Variants in RPS6KA5 observed in about 807,000 individuals in gnomAD.
RPS6KA5 encodes ribosomal protein S6 kinase A5.
Under a neutral mutation model 85.5 loss-of-function variants are expected in RPS6KA5, and 27 were observed. The ratio of observed to expected loss-of-function variants is 0.32; its 90% CI spans 0.23 to 0.44. RPS6KA5 has a LOEUF of 0.44. RPS6KA5 is among the 20% of genes least tolerant of loss of function. The pLI, the probability that RPS6KA5 is intolerant of heterozygous loss-of-function variation, is 1.00. For synonymous variants in RPS6KA5, 334 were observed against 348.2 expected (o/e 0.96, Z 0.46); for missense variants, 811 against 980.9 (o/e 0.83, Z 2.31).
At chr14:90,962,499 C>T (rs560701981) in intron 3 of RPS6KA5, among the ~76,000 whole-genome samples, 1 of 152,094 alleles carries the variant, frequency 6.6e-6, no homozygotes, top group African/African-American at 2.4e-5. Context: ...GTTAGCCTGG[C>T]TGGTCTCGAA....
intron 3 of RPS6KA5, among the ~76,000 whole-genome samples, chr14:90,961,641 G>A (rs1370997116): frequency 6.6e-6 from 1 of 151,990 alleles, no homozygotes; most frequent in Non-Finnish European, 1.5e-5. Context: ...GTAATCAAAA[G>A]TAGACATTCT....
At chr14:91,010,330 A>G (rs1241194714) in intron 1 of RPS6KA5, among the ~76,000 whole-genome samples, 1 of 152,214 alleles carries the variant, frequency 6.6e-6, no homozygotes, top group Non-Finnish European at 1.5e-5. Flanking sequence ...TATAAAGTCA[A>G]ACAGCACTGG....
At chr14:91,011,767 T>C (rs2041266934) in intron 1 of RPS6KA5, among the ~76,000 whole-genome samples, 1 of 152,200 alleles carries the variant, frequency 6.6e-6, no homozygotes. Flanking sequence ...ACGAATAGCA[T>C]AATGATCCAG....
Position 90,849,531 on chromosome 14 carries a change from A to G in RPS6KA5, c.*22543T>C, listed in dbSNP as rs973639860. The G allele has an allele frequency of 3.3e-5, 5 of 152,226 alleles. No individual in the cohort carries two copies. The highest frequency in any genetic ancestry group is 1.2e-4 in the African/African-American group (5 of 41,432). 9.4% of individuals were successfully genotyped at this position (152,226 alleles called of 1,614,324 possible). ...ACGGCTAATCGCTGCTAGTGTTTAGAGTCTGTGGCTGACTCATCTCAGTAC... is the reference window on the plus strand; with the variant it reads ...ACGGCTAATCGCTGCTAGTGTTTAGGGTCTGTGGCTGACTCATCTCAGTAC... On this transcript the variant is annotated 3_prime_UTR_variant, in exon 17 of 17. Coordinates refer to ENST00000614987, the MANE Select transcript of RPS6KA5 (RefSeq NM_004755.4).
At chr14:90,884,719 A>G (rs919449998) in intron 14 of RPS6KA5, among the ~76,000 whole-genome samples, 5 of 152,062 alleles carry the variant, frequency 3.3e-5, no homozygotes, top group African/African-American at 1.2e-4. Context: ...ATATCCTTCT[A>G]TTGTTGATGA....
chr14:90,898,919 G>C (rs1417874797), intron 12 of RPS6KA5, among the ~76,000 whole-genome samples: 2 of 152,126 alleles, frequency 1.3e-5, no homozygotes, highest in Non-Finnish European at 2.9e-5. Context: ...TAGGCTCCAG[G>C]CTCTCTCAGT....
intron 1 of RPS6KA5, among the ~76,000 whole-genome samples, chr14:91,027,076 T>C (rs1384570427): frequency 6.6e-6 from 1 of 152,224 alleles, no homozygotes; most frequent in Non-Finnish European, 1.5e-5. Context: ...AGTATGCTGT[T>C]TATTCTGCTG....
At chr14:90,902,762 CA>C (rs766355929) in intron 9 of RPS6KA5, 45 bp downstream of exon 9, 2 of 1,533,220 alleles carry the variant, frequency 1.3e-6, no homozygotes, top group South Asian at 1.2e-5. Flanking sequence ...TCTTTTCTTT[CA>C]AAGGACATAT....
At chr14:91,032,715 C>T (rs1445431261) in intron 1 of RPS6KA5, among the ~76,000 whole-genome samples, 1 of 150,978 alleles carries the variant, frequency 6.6e-6, no homozygotes, top group East Asian at 1.9e-4. Context: ...CAAACATGCA[C>T]GGGAAAGACA....
chr14:90,933,041 A>C (rs1051513662), intron 5 of RPS6KA5, among the ~76,000 whole-genome samples: 1 of 152,228 alleles, frequency 6.6e-6, no homozygotes, highest in Non-Finnish European at 1.5e-5. Context: ...TGTGGAAGAC[A>C]ATAAGGCTAC....
intron 5 of RPS6KA5, among the ~76,000 whole-genome samples, chr14:90,932,391 C>T (rs12896373): frequency 0.64 from 97,131 of 151,922 alleles, 32,484 homozygotes; most frequent in East Asian, 0.87. Context: ...CCTCCTACCT[C>T]GGCCTCCCAA....
chr14:91,037,776 C>T (rs777669548), intron 1 of RPS6KA5, among the ~76,000 whole-genome samples: 2 of 152,306 alleles, frequency 1.3e-5, no homozygotes, highest in South Asian at 2.1e-4. Context: ...TCCTGAGTTA[C>T]GAATAGCGTT....
At chr14:90,881,977 A>G (rs1420853518) in intron 14 of RPS6KA5, among the ~76,000 whole-genome samples, 1 of 152,240 alleles carries the variant, frequency 6.6e-6, no homozygotes, top group African/African-American at 2.4e-5. Context: ...ATTTGCATTT[A>G]AAGTAATTAC....
intron 3 of RPS6KA5, among the ~76,000 whole-genome samples, chr14:90,964,862 C>T (rs561240937): frequency 8.1e-5 from 12 of 147,676 alleles, no homozygotes; most frequent in African/African-American, 2.8e-4. Flanking sequence ...CTGCAGTGGG[C>T]CATGATAGTG....
rs998140911 is a variant in RPS6KA5, at chr14:90,856,421, T to C, written c.*15653A>G. ...TCTTGTTGCCCAGGCTGGAGTGCAATGGTGCGATCTAGGCTCACTGCAACC... is the reference window on the plus strand; with the variant it reads ...TCTTGTTGCCCAGGCTGGAGTGCAACGGTGCGATCTAGGCTCACTGCAACC... On this transcript the variant is annotated 3_prime_UTR_variant, in exon 17 of 17. Transcript: ENST00000614987. The C allele has an allele frequency of 3.4e-5, 5 of 145,862 alleles. No homozygotes were observed. The highest frequency in any genetic ancestry group is 2.2e-4 in the South Asian group (1 of 4,630). The allele number at this position is 145,862 out of a possible 1,614,324, so 9.0% of individuals were successfully genotyped here. A position where few individuals can be genotyped will look rare whatever the true frequency, so the allele number is the denominator to read the frequency against.
intron 3 of RPS6KA5, among the ~76,000 whole-genome samples, chr14:90,965,827 A>T (rs1323826555): frequency 6.6e-6 from 1 of 152,210 alleles, no homozygotes; most frequent in Non-Finnish European, 1.5e-5. Flanking sequence ...TAGGTTAGTA[A>T]GGGTGCAGAT....
chr14:91,057,239 G>C (rs2139977644), intron 1 of RPS6KA5, among the ~76,000 whole-genome samples: 1 of 152,202 alleles, frequency 6.6e-6, no homozygotes, highest in South Asian at 2.1e-4. Flanking sequence ...GTATGTTTAA[G>C]TGATCTGTTC....
intron 1 of RPS6KA5, among the ~76,000 whole-genome samples, chr14:91,003,860 TAG>T (rs1176782601): frequency 3.3e-5 from 5 of 152,194 alleles, no homozygotes; most frequent in Admixed American, 2.6e-4. Context: ...AAGTTTCTGA[TAG>T]AGTTTAGATT....
intron 1 of RPS6KA5, among the ~76,000 whole-genome samples, chr14:91,026,601 ATAG>A (rs2041999834): frequency 1.3e-5 from 2 of 152,232 alleles, no homozygotes; most frequent in Non-Finnish European, 2.9e-5. Flanking sequence ...GCTATCGTGA[ATAG>A]TACTGTGATG....
Sources: allele counts gnomAD v4.1 joint callset (sites outside exome capture counted in the v4.1 genomes callset), GRCh38; gene constraint gnomAD v4.1.1; transcripts MANE v1.5; gene names NCBI Gene and HGNC (gene_info 2026-07-23, HGNC 2026-07-21).